CHRDL2: variants seen among roughly 807,000 people sequenced by gnomAD.
The protein encoded by CHRDL2 is chordin like 2, also known as chordin-like protein 2.
A neutral mutation model predicts 54.3 loss-of-function variants in CHRDL2; 41 were observed. The observed-to-expected ratio is 0.76, with a 90% CI of 0.59 to 0.98. The LOEUF (loss-of-function observed/expected upper bound fraction) is 0.98, where lower values mean the gene tolerates loss of function less well. Ranked by LOEUF, CHRDL2 falls within the 50% of genes least tolerant of loss-of-function variation. The probability of loss-of-function intolerance (pLI) is 0.00; values close to 1 mark genes in which losing one functional copy is unlikely to be tolerated. For missense variants in CHRDL2, 518 were observed against 562.4 expected (o/e 0.92, Z 0.80); for synonymous variants, 220 against 224.3 (o/e 0.98, Z 0.17).
intron 1 of CHRDL2, among the ~76,000 whole-genome samples, chr11:74,727,549 T>C (rs1467610463): frequency 6.6e-6 from 1 of 152,012 alleles, no homozygotes; most frequent in Non-Finnish European, 1.5e-5. Flanking sequence ...GGACCACAGA[T>C]ATGTGCCACC....
chr11:74,726,272 C>T (rs533807902), intron 1 of CHRDL2, among the ~76,000 whole-genome samples: 6 of 152,278 alleles, frequency 3.9e-5, no homozygotes, highest in Admixed American at 1.3e-4. Context: ...GACATCCAGT[C>T]CCCTGTTTCC....
chr11:74,708,327 T>C lies in CHRDL2; in HGVS notation c.501A>G (p.Pro167=), dbSNP rs776553969. 2 of 1,579,592 alleles carry C rather than the reference T, an allele frequency of 1.3e-6. No homozygotes were observed. Among genetic ancestry groups the C allele is most frequent in the Non-Finnish European group, 1.7e-6 (2 of 1,167,186 alleles). Reference sequence around the variant, plus strand: ...CTTTGCAGGCCTGGCAGCAGGAGTCTGGCAGCGGGAGGGGTGCTGGGCAGC... The same window carrying C: ...CTTTGCAGGCCTGGCAGCAGGAGTCCGGCAGCGGGAGGGGTGCTGGGCAGC... ...EPGCPAPLPL[P]DSCCQACKDE... is the part of the protein sequence containing the mutation. Residue 167 remains proline, a synonymous_variant, in exon 5 of 11, where the codon CCA becomes CCG. Transcript: ENST00000376332.
intron 9 of CHRDL2, chr11:74,698,536 C>G (rs1054355863): frequency 6.6e-6 from 1 of 152,228 alleles, no homozygotes; most frequent in African/African-American, 2.4e-5. Flanking sequence ...TGTGTCTACT[C>G]CTGCTTCCTC....
chr11:74,719,381 T>TGTAC (rs1554987447), intron 1 of CHRDL2: 1 of 76,448 alleles, frequency 1.3e-5, no homozygotes, highest in Non-Finnish European at 2.4e-5. Flanking sequence ...CCCTCCCCTG[T>TGTAC]ACACACACAC....
intron 2 of CHRDL2, among the ~76,000 whole-genome samples, chr11:74,714,892 G>A (rs1357227677): frequency 6.6e-6 from 1 of 152,160 alleles, no homozygotes; most frequent in African/African-American, 2.4e-5. Flanking sequence ...GGCAGGTGAG[G>A]CACCTGGAAA....
chr11:74,707,710 G>A lies in CHRDL2; in HGVS notation c.526+592C>T, dbSNP rs148703217. On this transcript the variant is annotated intron_variant, in intron 5 of 10. Transcript: ENST00000376332. ...CACTGCAGCAGCAGCCCCCCTGCAC[G>A]GGCTCCCCAACACTTCCCTCAGGCT... Among the ~76,000 whole-genome samples the A allele has an allele frequency of 7.6e-3, 1,148 of 151,972 alleles. 18 individuals carry two copies. Among genetic ancestry groups the A allele is most frequent in the African/African-American group, 0.026 (1,094 of 41,444 alleles).
chr11:74,703,201 T>C (rs373395337), intron 8 of CHRDL2, 104 bp downstream of exon 8: 2 of 1,360,640 alleles, frequency 1.5e-6, no homozygotes, highest in African/African-American at 2.9e-5. Flanking sequence ...CACCGATGCA[T>C]GCCCTTCCAT....
intron 2 of CHRDL2, 145 bp from the exon 3 acceptor site, chr11:74,713,624 C>T (rs138966700): frequency 2.9e-4 from 190 of 645,062 alleles, no homozygotes; most frequent in Non-Finnish European, 4.4e-4. Context: ...TAAGTGTGCC[C>T]GGTTCCTCCC....
intron 4 of CHRDL2, among the ~76,000 whole-genome samples, chr11:74,708,696 G>A (rs1189112197): frequency 6.6e-6 from 1 of 152,208 alleles, no homozygotes; most frequent in Non-Finnish European, 1.5e-5. Context: ...TACAAATGAG[G>A]AGCCGGAGCG....
chr11:74,705,950 C>A (rs1022440151), intron 6 of CHRDL2, among the ~76,000 whole-genome samples: 1 of 152,136 alleles, frequency 6.6e-6, no homozygotes. Flanking sequence ...GCAGAGAGGA[C>A]CCATCAGGGA....
At chr11:74,723,376 T>C (rs1243687657) in intron 1 of CHRDL2, among the ~76,000 whole-genome samples, 3 of 152,196 alleles carry the variant, frequency 2.0e-5, no homozygotes, top group Non-Finnish European at 4.4e-5. Context: ...CCCCAGTGGA[T>C]GCCTGAAACC....
At chr11:74,724,206 A>G (rs978104158) in intron 1 of CHRDL2, among the ~76,000 whole-genome samples, 7 of 152,242 alleles carry the variant, frequency 4.6e-5, no homozygotes, top group Non-Finnish European at 1.0e-4. Context: ...AGGACTTCTC[A>G]GGCAGTGGGT....
chr11:74,711,169 T>C (rs2034182413), intron 3 of CHRDL2, among the ~76,000 whole-genome samples, 178 bp from the exon 4 acceptor site: 1 of 152,194 alleles, frequency 6.6e-6, no homozygotes, highest in Non-Finnish European at 1.5e-5. Context: ...GAGGTCCCTC[T>C]GATACCTACA....
At chr11:74,724,904 C>T (rs1048623914) in intron 1 of CHRDL2, among the ~76,000 whole-genome samples, 9 of 151,950 alleles carry the variant, frequency 5.9e-5, no homozygotes, top group East Asian at 1.9e-4. Flanking sequence ...GCCTGATGAA[C>T]GAAATCAATG....
intron 1 of CHRDL2, among the ~76,000 whole-genome samples, chr11:74,725,622 G>A (rs1160448111): frequency 6.6e-6 from 1 of 152,148 alleles, no homozygotes; most frequent in Non-Finnish European, 1.5e-5. Context: ...TTTTTATGGT[G>A]GTCAGTTAGA....
chr11:74,703,340 T>C lies in CHRDL2; in HGVS notation c.911A>G (p.Glu304Gly). The change falls in exon 8 of 11, where the codon GAG becomes GGG. Residue 304 changes from glutamate to glycine, a missense_variant. Glu to Gly is a moderately conservative substitution (Grantham distance 98, BLOSUM62 -2). Coordinates refer to ENST00000376332, the MANE Select transcript of CHRDL2 (RefSeq NM_001278473.3). ...CPTEYPCRHPEKVAGKCCKIC... is the reference protein window; with the variant it reads ...CPTEYPCRHPGKVAGKCCKIC... ...CTTGCAGCACTTCCCAGCCACTTTC[T>C]CGGGGTGACGGCAGGGGTACTCGGT... 6.2e-7 allele frequency: 1 copy of C among 1,611,572 alleles called. No homozygotes were observed. Among genetic ancestry groups the C allele is most frequent in the Non-Finnish European group, 8.5e-7 (1 of 1,178,782 alleles).
chr11:74,707,451 G>A (rs1180007615), intron 5 of CHRDL2, among the ~76,000 whole-genome samples: 1 of 152,116 alleles, frequency 6.6e-6, no homozygotes, highest in African/African-American at 2.4e-5. Flanking sequence ...TTCTGCTCAC[G>A]CTTAGCCTGC....
Position 74,730,778 on chromosome 11 carries a change from C to G in CHRDL2, c.82+29G>C, listed in dbSNP as rs1324974514. ...ACATTCCAGGGGCCGCATCCCTCCTCTGCCCACCCAGCCTCCCGGTCTACT... is the reference window on the plus strand; with the variant it reads ...ACATTCCAGGGGCCGCATCCCTCCTGTGCCCACCCAGCCTCCCGGTCTACT... On this transcript the variant is annotated intron_variant, in intron 1 of 10. Coordinates refer to ENST00000376332, the MANE Select transcript of CHRDL2 (RefSeq NM_001278473.3). 3 of 1,583,810 alleles carry G rather than the reference C, an allele frequency of 1.9e-6. No individual in the cohort carries two copies. The Admixed American group carries it at 5.4e-5, about 28-fold the overall frequency.
rs866725741 is a variant in CHRDL2, at chr11:74,706,504, G to A, written c.565C>T (p.Gln189Ter). The A allele has an allele frequency of 6.2e-7, 1 of 1,613,944 alleles. No homozygotes were observed. Among genetic ancestry groups the A allele is most frequent in the African/African-American group, 1.3e-5 (1 of 74,906 alleles). Reference sequence around the variant, plus strand: ...GCACTCACCACCCCATGGAGCGACTGCACACTGTCCTCTTCATCCGATTGC... The same window carrying A: ...GCACTCACCACCCCATGGAGCGACTACACACTGTCCTCTTCATCCGATTGC... ...SEQSDEEDSV[Q>*]SLHGVRHPQD... The change falls in exon 6 of 11, where the codon CAG becomes TAG. Residue 189 changes from glutamine to a stop codon, truncating the protein, a stop_gained. Coordinates refer to ENST00000376332, the MANE Select transcript of CHRDL2 (RefSeq NM_001278473.3). LOFTEE classifies it high-confidence loss of function.
Sources: allele counts gnomAD v4.1 joint callset (sites outside exome capture counted in the v4.1 genomes callset), GRCh38; gene constraint gnomAD v4.1.1; transcripts MANE v1.5; gene names NCBI Gene and HGNC (gene_info 2026-07-23, HGNC 2026-07-21).